The following PCDHGB5 variants were observed in gnomAD, a reference collection of about 807,000 sequenced individuals.
PCDHGB5 encodes protocadherin gamma-B5.
A neutral mutation model predicts 62.9 loss-of-function variants in PCDHGB5; 48 were observed. The observed-to-expected ratio is 0.76, with a 90% CI of 0.61 to 0.97. PCDHGB5 has a LOEUF of 0.97. Ranked by LOEUF, PCDHGB5 falls within the 50% of genes least tolerant of loss-of-function variation. The pLI is 0.00. For synonymous variants in PCDHGB5, 474 were observed against 511.2 expected, an observed-to-expected ratio of 0.93 and a Z score of 0.98; for missense variants, 1,118 against 1,198.6, an observed-to-expected ratio of 0.93 and a Z score of 0.99.
intron 1 of PCDHGB5, among the ~76,000 whole-genome samples, chr5:141,468,791 G>A (rs941787269): frequency 2.6e-5 from 4 of 151,954 alleles, no homozygotes; most frequent in East Asian, 3.9e-4. Context: ...GCGTGAACCC[G>A]GGAGGCGGAA....
Position 141,409,176 on chromosome 5 carries a change from G to A in PCDHGB5, c.2397+8652G>A. On this transcript the variant is annotated intron_variant, in intron 1 of 3. Transcript: ENST00000617380. ...ATGGAAGTGGAAGCGAAGGACGGAG[G>A]TGGTCTCTCTACCCAGTGTAAAGTA... The A allele has an allele frequency of 6.2e-7, 1 of 1,614,026 alleles. No individual in the cohort carries two copies. The highest frequency in any genetic ancestry group is 8.5e-7 in the Non-Finnish European group (1 of 1,179,892).
intron 1 of PCDHGB5, among the ~76,000 whole-genome samples, chr5:141,445,597 G>T (rs2098471988): frequency 6.6e-6 from 1 of 152,200 alleles, no homozygotes; most frequent in African/African-American, 2.4e-5. Context: ...TAATCTGAAG[G>T]TCAAGGAAGG....
chr5:141,484,941 C>T (rs2099604065), intron 1 of PCDHGB5: 2 of 543,888 alleles, frequency 3.7e-6, no homozygotes, highest in East Asian at 6.3e-5. Context: ...ACGTTCTCTG[C>T]TCAGCCTATT....
At position 141,491,502 on chromosome 5, in the gene PCDHGB5, C is replaced by G. The variant is rs751961360; in HGVS notation, c.2398-3305C>G. 1.4e-5 allele frequency: 23 copies of G among 1,614,080 alleles called. No homozygotes were observed. Among genetic ancestry groups the G allele is most frequent in the Non-Finnish European group, 1.8e-5 (21 of 1,180,006 alleles). ...GCCCCAACCTGCAGGTGAGCTCGGA[C>G]GGCACGCTCAAGTACATGGAGGTGA... On this transcript the variant is annotated intron_variant, in intron 1 of 3. Coordinates refer to ENST00000617380, the MANE Select transcript of PCDHGB5 (RefSeq NM_018925.3). This position sits in a 1 kb window ranked among gnomAD's most constrained non-coding sequence, Gnocchi z 6.9.
chr5:141,427,817 G>A, intron 1 of PCDHGB5: 2 of 1,528,134 alleles, frequency 1.3e-6, no homozygotes, highest in Non-Finnish European at 1.8e-6. Flanking sequence ...AGAGCGGGGT[G>A]GTGGTCGCGC....
At chr5:141,499,356 C>A (rs1472104991) in intron 2 of PCDHGB5, among the ~76,000 whole-genome samples, 1 of 152,062 alleles carries the variant, frequency 6.6e-6, no homozygotes, top group Non-Finnish European at 1.5e-5. Context: ...ATTCAACAAA[C>A]AAATAGCAAC....
chr5:141,487,593 C>G lies in PCDHGB5; in HGVS notation c.2398-7214C>G. The G allele has an allele frequency of 6.2e-7, 1 of 1,614,206 alleles. No homozygotes were observed. Among genetic ancestry groups the G allele is most frequent in the African/African-American group, 1.3e-5 (1 of 75,062 alleles). On this transcript the variant is annotated intron_variant, in intron 1 of 3. Coordinates refer to ENST00000617380, the MANE Select transcript of PCDHGB5 (RefSeq NM_018925.3). This position sits in a 1 kb window ranked among gnomAD's most constrained non-coding sequence, Gnocchi z 5.0. ...CCTGTTCGCCCAAGCTGCCCACCCT[C>G]TGATCTTCTCTATGGGCTAGAGGTG...
At chr5:141,409,847 C>T (rs2095325421) in intron 1 of PCDHGB5, 3 of 1,611,712 alleles carry the variant, frequency 1.9e-6, no homozygotes, top group East Asian at 2.2e-5. Context: ...CGTGAGCCTG[C>T]GCGTGTTGGT....
At chr5:141,408,111 C>A (rs1477598232) in intron 1 of PCDHGB5, 7 of 1,455,108 alleles carry the variant, frequency 4.8e-6, no homozygotes, top group African/African-American at 4.3e-5. Context: ...ACCCGGGACT[C>A]CTCCTGTCCT....
In PCDHGB5 at chr5:141,511,335, A is replaced by T; in HGVS notation, c.*162A>T. 7.0e-7 allele frequency: 1 copy of T among 1,438,820 alleles called. No homozygotes were observed. The highest frequency in any genetic ancestry group is 9.2e-7 in the Non-Finnish European group (1 of 1,083,596). The allele number at this position is 1,438,820 out of a possible 1,614,324, so 89.1% of individuals were successfully genotyped here. A position where few individuals can be genotyped will look rare whatever the true frequency, so the allele number is the denominator to read the frequency against. On this transcript the variant is annotated 3_prime_UTR_variant, in exon 4 of 4. Coordinates refer to ENST00000617380, the MANE Select transcript of PCDHGB5 (RefSeq NM_018925.3). ...AAACAGAAACAAGTGCCCAGTCAGC[A>T]CCTACCCCTTCCCCCCCAGGGGGTT...
intron 1 of PCDHGB5, among the ~76,000 whole-genome samples, chr5:141,455,519 G>T (rs1439363688): frequency 1.3e-5 from 2 of 152,158 alleles, no homozygotes; most frequent in East Asian, 3.9e-4. Flanking sequence ...TCAGGGGATT[G>T]GTTTGACCAG....
At chr5:141,508,576 C>A (rs1437398161) in intron 3 of PCDHGB5, among the ~76,000 whole-genome samples, 1 of 152,136 alleles carries the variant, frequency 6.6e-6, no homozygotes, top group African/African-American at 2.4e-5. Flanking sequence ...TGCACCCACT[C>A]GGGGTGCTAC....
rs1259098111 is a variant in PCDHGB5 at position 141,489,418 on chromosome 5, T to C, written c.2398-5389T>C. On this transcript the variant is annotated intron_variant, in intron 1 of 3. Coordinates refer to ENST00000617380, the MANE Select transcript of PCDHGB5 (RefSeq NM_018925.3). This position sits in a 1 kb window ranked among gnomAD's most constrained non-coding sequence, Gnocchi z 4.5. ...TCTGGGCTTAAAGATGACAGATCTGTTGAGCCGGCGGCTGCAATTGGGCTC... is the reference window on the plus strand; with the variant it reads ...TCTGGGCTTAAAGATGACAGATCTGCTGAGCCGGCGGCTGCAATTGGGCTC... The C allele has an allele frequency of 1.2e-6, 2 of 1,614,174 alleles. No individual in the cohort carries two copies. The highest frequency in any genetic ancestry group is 8.5e-7 in the Non-Finnish European group (1 of 1,180,032).
chr5:141,478,987 G>T (rs1007857792), intron 1 of PCDHGB5, among the ~76,000 whole-genome samples: 8 of 152,144 alleles, frequency 5.3e-5, no homozygotes, highest in African/African-American at 1.4e-4. Flanking sequence ...TGTGACATTT[G>T]TATTAAAACT....
chr5:141,452,360 C>A (rs1045666881), intron 1 of PCDHGB5, among the ~76,000 whole-genome samples: 3 of 152,172 alleles, frequency 2.0e-5, no homozygotes, highest in Non-Finnish European at 4.4e-5. Flanking sequence ...AAAAGCCTTG[C>A]TTCATTTTAG....
At position 141,510,973 on chromosome 5, in the gene PCDHGB5, G is replaced by A. The variant is rs1448442252; in HGVS notation, c.2572G>A (p.Gly858Arg). 2 of 1,614,042 alleles carry A rather than the reference G, an allele frequency of 1.2e-6. No individual in the cohort carries two copies. Among genetic ancestry groups the A allele is most frequent in the East Asian group, 2.2e-5 (1 of 44,894 alleles). ...AGCTGCTGATGGGAGCTCCACCCTG[G>A]GAGGGGGTGCCGGCACCATGGGATT... ...SEAADGSSTL[G>R]GGAGTMGLSA... Residue 858 changes from glycine (G) to arginine (R), a missense_variant, in exon 4 of 4, where the codon GGA (glycine) becomes AGA (arginine). Gly to Arg is a moderately radical substitution (Grantham distance 125). This residue lies in a region of PCDHGB5 where 1,034 missense variants were observed against 1,029.1 expected (regional missense o/e 1.00). Transcript: ENST00000617380.
intron 1 of PCDHGB5, chr5:141,408,692 A>C: frequency 6.2e-7 from 1 of 1,613,906 alleles, no homozygotes; most frequent in Non-Finnish European, 8.5e-7. Context: ...TGATATAAAC[A>C]TAAACTCAAT....
Position 141,403,721 on chromosome 5 carries a change from C to T in PCDHGB5, c.2397+3197C>T, listed in dbSNP as rs748888364. On this transcript the variant is annotated intron_variant, in intron 1 of 3. Coordinates refer to ENST00000617380, the MANE Select transcript of PCDHGB5 (RefSeq NM_018925.3). ...AGTTAAAGTCCTTGAGAACGTGCCC[C>T]CAGGCACCTGGCTGCTTACTGCAAC... 5 of 1,613,754 alleles carry T rather than the reference C, an allele frequency of 3.1e-6. No individual in the cohort carries two copies. The highest frequency in any genetic ancestry group is 2.2e-5 in the East Asian group (1 of 44,878).
rs769074023 is a variant in PCDHGB5, at chr5:141,491,738, G to A, written c.2398-3069G>A. ...GCGCCGCCCCGGGCGACCCCTGGGG[G>A]CGGCACTGGAGAAGCCGCCCGTCCT... On this transcript the variant is annotated intron_variant, in intron 1 of 3. Transcript: ENST00000617380. The surrounding 1 kb of genome is among the most constrained non-coding windows in gnomAD (Gnocchi z 6.9). 6.2e-7 allele frequency: 1 copy of A among 1,600,346 alleles called. No homozygotes were observed. The highest frequency in any genetic ancestry group is 8.5e-7 in the Non-Finnish European group (1 of 1,174,196).
Sources: gnomAD v4.1 joint callset for allele counts (sites outside exome capture counted in the v4.1 genomes callset) on GRCh38, gnomAD v4.1.1 for gene constraint, gnomAD v4.1.1 regional missense constraint, Gnocchi (gnomAD v3.1) non-coding constraint, MANE v1.5 for transcripts, NCBI Gene and HGNC (gene_info 2026-07-23, HGNC 2026-07-21) for gene names.